The following SEMA3A variants were observed in gnomAD, a reference collection of about 807,000 sequenced individuals.
The protein encoded by SEMA3A is semaphorin-3A.
A neutral mutation model predicts 97.9 loss-of-function variants in SEMA3A; 29 were observed. The observed-to-expected ratio is 0.30, with a 90% CI of 0.22 to 0.40. SEMA3A has a LOEUF of 0.40. SEMA3A is among the 10% of genes least tolerant of loss of function. The pLI, the probability that SEMA3A is intolerant of heterozygous loss-of-function variation, is 1.00. For missense variants in SEMA3A, 763 were observed against 951.3 expected (o/e 0.80, Z 2.60); for synonymous variants, 321 against 323.7 (o/e 0.99, Z 0.09).
At chr7:84,425,862 ACACACACACACACACC>A (rs903366586) in intron 1 of SEMA3A, among the ~76,000 whole-genome samples, 15 of 112,400 alleles carry the variant, frequency 1.3e-4, no homozygotes, top group African/African-American at 2.2e-4. Context: ...TAACACACAC[ACACACACACACACACC>A]CACACACACA....
chr7:84,015,601 T>G (rs1248682256), intron 6 of SEMA3A, among the ~76,000 whole-genome samples: 1 of 152,192 alleles, frequency 6.6e-6, no homozygotes, highest in Non-Finnish European at 1.5e-5. Context: ...AGTGTATTAT[T>G]TTATCCAGGT....
intron 4 of SEMA3A, among the ~76,000 whole-genome samples, chr7:84,090,147 G>A (rs1794516928): frequency 6.6e-6 from 1 of 152,038 alleles, no homozygotes; most frequent in South Asian, 2.1e-4. Flanking sequence ...TTTTTATGTT[G>A]CAGTGGAGGA....
chr7:84,173,727 G>A (rs1025904587), intron 1 of SEMA3A, among the ~76,000 whole-genome samples: 1 of 152,036 alleles, frequency 6.6e-6, no homozygotes, highest in Non-Finnish European at 1.5e-5. Flanking sequence ...GTAGAGCAAG[G>A]GCTTCCCAAT....
At chr7:84,145,962 T>A (rs1796451562) in intron 1 of SEMA3A, among the ~76,000 whole-genome samples, 1 of 152,144 alleles carries the variant, frequency 6.6e-6, no homozygotes, top group Non-Finnish European at 1.5e-5. Context: ...TCTGTAAGTT[T>A]CCACAATTTA....
chr7:84,376,362 G>C (rs1351355231), intron 1 of SEMA3A, among the ~76,000 whole-genome samples: 1 of 115,478 alleles, frequency 8.7e-6, no homozygotes, highest in Non-Finnish European at 1.9e-5. Context: ...CAGCACTTTG[G>C]GAGGCCAAGG....
At chr7:84,242,946 G>A (rs529253334) in intron 3 of SEMA3A, among the ~76,000 whole-genome samples, 2 of 152,000 alleles carry the variant, frequency 1.3e-5, no homozygotes, top group African/African-American at 4.8e-5. Flanking sequence ...TTTATTGATT[G>A]GATTATGTTT....
rs146320929 is a variant in SEMA3A at position 84,153,280 on chromosome 7, G to T, written c.113-18329C>A. On this transcript the variant is annotated intron_variant, in intron 1 of 16. Coordinates refer to ENST00000265362, the MANE Select transcript of SEMA3A (RefSeq NM_006080.3). ...TCAACAGACTTGAAATTAAAAGAGG[G>T]TCTATCAGGAGAGGCCTGTCATCCA... 1.1e-3 allele frequency among the ~76,000 whole-genome samples: 174 copies of T among 152,256 alleles called. 1 individual carries two copies. The East Asian group carries it at 0.013, about 11-fold the overall frequency.
intron 2 of SEMA3A, among the ~76,000 whole-genome samples, chr7:84,320,818 C>T (rs1309241704): frequency 2.0e-5 from 3 of 152,088 alleles, no homozygotes; most frequent in African/African-American, 7.2e-5. Flanking sequence ...CTGTGTTACA[C>T]TAGTGCAGGT....
intron 6 of SEMA3A, among the ~76,000 whole-genome samples, chr7:84,030,198 C>G (rs1322386394): frequency 6.6e-6 from 1 of 152,052 alleles, no homozygotes. Context: ...ATTTAGAAAG[C>G]CTTTGCTCTG....
intron 1 of SEMA3A, among the ~76,000 whole-genome samples, chr7:84,488,144 T>G (rs1225947660): frequency 6.6e-6 from 1 of 152,098 alleles, no homozygotes; most frequent in African/African-American, 2.4e-5. Context: ...TAAGTTTTTT[T>G]GTCATAAATA....
At chr7:84,115,258 A>G (rs1212605232) in intron 3 of SEMA3A, among the ~76,000 whole-genome samples, 1 of 152,046 alleles carries the variant, frequency 6.6e-6, no homozygotes, top group Non-Finnish European at 1.5e-5. Context: ...ATATGATTAA[A>G]CTAAATGAAG....
At chr7:84,306,267 A>G (rs1801152625) in intron 3 of SEMA3A, 1 of 151,946 alleles carries the variant, frequency 6.6e-6, no homozygotes, top group Admixed American at 6.6e-5. Context: ...ACCTAGGAAA[A>G]ATGTATCAGT....
At chr7:84,216,438 A>C (rs1304444322) in intron 3 of SEMA3A, among the ~76,000 whole-genome samples, 2 of 152,170 alleles carry the variant, frequency 1.3e-5, no homozygotes, top group Non-Finnish European at 2.9e-5. Flanking sequence ...CAGTTGGAAG[A>C]GTAGCTCATT....
chr7:84,034,789 C>A (rs1041105712), intron 6 of SEMA3A, among the ~76,000 whole-genome samples: 3 of 151,276 alleles, frequency 2.0e-5, no homozygotes, highest in Non-Finnish European at 4.4e-5. Context: ...GTTTTTTTGT[C>A]TTTTTTTTCC....
intron 3 of SEMA3A, among the ~76,000 whole-genome samples, chr7:84,217,897 A>C (rs1584136693): frequency 6.6e-6 from 1 of 152,242 alleles, no homozygotes; most frequent in East Asian, 1.9e-4. Flanking sequence ...GGTGGGTAAC[A>C]AAGTAAGACG....
intron 6 of SEMA3A, among the ~76,000 whole-genome samples, chr7:84,036,919 T>A (rs975845108): frequency 6.6e-6 from 1 of 152,100 alleles, no homozygotes; most frequent in Non-Finnish European, 1.5e-5. Flanking sequence ...CATTATAAAA[T>A]TGAGAGTTAA....
intron 6 of SEMA3A, among the ~76,000 whole-genome samples, chr7:84,018,997 T>C (rs1791213481): frequency 6.6e-6 from 1 of 152,192 alleles, no homozygotes; most frequent in African/African-American, 2.4e-5. Flanking sequence ...GTTTGGTGGC[T>C]GTCATAGAAA....
chr7:84,275,859 TTTTA>T (rs1282544235), intron 3 of SEMA3A, among the ~76,000 whole-genome samples: 1 of 152,126 alleles, frequency 6.6e-6, no homozygotes, highest in Non-Finnish European at 1.5e-5. Context: ...GTTGAAATAA[TTTTA>T]TTTTTATGAT....
chr7:84,281,172 G>T (rs1418752943), intron 3 of SEMA3A, among the ~76,000 whole-genome samples: 2 of 152,116 alleles, frequency 1.3e-5, no homozygotes, highest in Non-Finnish European at 2.9e-5. Context: ...TTCTAGTTGT[G>T]AGTGAAGGTT....
Sources: gnomAD v4.1 joint callset for allele counts (sites outside exome capture counted in the v4.1 genomes callset) on GRCh38, gnomAD v4.1.1 for gene constraint, MANE v1.5 for transcripts, NCBI Gene and HGNC (gene_info 2026-07-23, HGNC 2026-07-21) for gene names.